HPS1: variants seen among roughly 807,000 people sequenced by gnomAD.
The protein encoded by HPS1 is HPS1 biogenesis of lysosomal organelles complex 3 subunit 1.
Under a neutral mutation model 90.6 loss-of-function variants are expected in HPS1, and 59 were observed. The ratio of observed to expected loss-of-function variants is 0.65; its 90% CI spans 0.53 to 0.81. The LOEUF (loss-of-function observed/expected upper bound fraction) is 0.81. Ranked by LOEUF, HPS1 falls within the 30% of genes least tolerant of loss-of-function variation. The pLI, the probability that HPS1 is intolerant of heterozygous loss-of-function variation, is 0.00. For missense variants in HPS1, 849 were observed against 896.7 expected (o/e 0.95, Z 0.68); for synonymous variants, 388 against 384.4 (o/e 1.01, Z -0.11).
chr10:98,420,256 C>T (rs1423307301), intron 17 of HPS1, 98 bp from the exon 18 acceptor site: 11 of 861,810 alleles, frequency 1.3e-5, no homozygotes, highest in South Asian at 9.4e-5. Context: ...CGAGAAGCTC[C>T]GTGAGTGCCA....
At chr10:98,426,615 A>G (rs1845634651) in intron 11 of HPS1, among the ~76,000 whole-genome samples, 2 of 152,258 alleles carry the variant, frequency 1.3e-5, no homozygotes, top group South Asian at 2.1e-4. Context: ...TATGCATGTG[A>G]TGGACTACCA....
intron 18 of HPS1, among the ~76,000 whole-genome samples, chr10:98,419,611 T>C (rs1403758060): frequency 1.3e-5 from 2 of 152,172 alleles, no homozygotes; most frequent in Non-Finnish European, 2.9e-5. Context: ...ACCACCAGTG[T>C]CTCCTCAGGC....
intron 5 of HPS1, among the ~76,000 whole-genome samples, chr10:98,434,638 C>G (rs1847032862): frequency 6.6e-6 from 1 of 151,884 alleles, no homozygotes; most frequent in South Asian, 2.1e-4. Context: ...AAACTAAAGT[C>G]CCAGAGCTTC....
chr10:98,415,463 G>A (rs559230653), downstream of HPS1, among the ~76,000 whole-genome samples: 1 of 152,364 alleles, frequency 6.6e-6, no homozygotes, highest in South Asian at 2.1e-4. Context: ...TTTTACAGAT[G>A]AGGGCGCTGA....
chr10:98,419,473 G>A (rs963393863), intron 18 of HPS1, among the ~76,000 whole-genome samples: 14 of 152,004 alleles, frequency 9.2e-5, no homozygotes, highest in African/African-American at 3.4e-4. Flanking sequence ...CTGGGGCAGG[G>A]ATCCCTGACC....
At chr10:98,433,242 A>G (rs1354986021) in intron 6 of HPS1, among the ~76,000 whole-genome samples, 2 of 151,626 alleles carry the variant, frequency 1.3e-5, no homozygotes, top group African/African-American at 2.4e-5. Flanking sequence ...AAAAAAAAAA[A>G]AAAAAAAGAA....
intron 18 of HPS1, among the ~76,000 whole-genome samples, chr10:98,419,231 G>A (rs1844524348): frequency 6.6e-6 from 1 of 152,184 alleles, no homozygotes; most frequent in Non-Finnish European, 1.5e-5. Context: ...TGGGGGCAGG[G>A]GAAGGCACAG....
In HPS1 at chr10:98,424,330, C is replaced by T; in HGVS notation, c.1380G>A (p.Glu460=). The part of the protein sequence containing the change: ...EFKAKAFSKS[E]PGSSWELLQA... ...CCACTCACTCCCAGGAGGATCCGGG[C>T]TCACTTTTGGAGAAAGCCTTGGCCT... Residue 460 remains glutamate, a synonymous_variant, in exon 14 of 20, where the codon GAG becomes GAA. Transcript: ENST00000361490. 3 of 1,612,916 alleles carry T rather than the reference C, an allele frequency of 1.9e-6. No individual in the cohort carries two copies. Among genetic ancestry groups the T allele is most frequent in the South Asian group, 2.2e-5 (2 of 90,628 alleles).
At chr10:98,424,463 G>A (rs1180655523) in intron 13 of HPS1, 89 bp from the exon 14 acceptor site, 31 of 1,120,618 alleles carry the variant, frequency 2.8e-5, no homozygotes, top group Non-Finnish European at 4.0e-5. Context: ...GGCTCTGAGA[G>A]GGCACAGGGC....
intron 2 of HPS1, 121 bp from the exon 3 acceptor site, chr10:98,443,361 C>T: frequency 1.3e-6 from 1 of 796,566 alleles, no homozygotes; most frequent in Non-Finnish European, 2.3e-6. Flanking sequence ...GCACACCAGG[C>T]ATCACAAGGG....
chr10:98,442,134 ACTC>A (rs1564872873), intron 3 of HPS1, among the ~76,000 whole-genome samples: 1 of 152,242 alleles, frequency 6.6e-6, no homozygotes, highest in Non-Finnish European at 1.5e-5. Flanking sequence ...ATAGATTACT[ACTC>A]AATGACAAGG....
At chr10:98,421,670 T>C (rs1453605227) in intron 17 of HPS1, among the ~76,000 whole-genome samples, 1 of 152,208 alleles carries the variant, frequency 6.6e-6, no homozygotes, top group Non-Finnish European at 1.5e-5. Context: ...GTGATGATGA[T>C]GCCACCAGTA....
chr10:98,426,977 G>T (rs1444454470), intron 11 of HPS1, among the ~76,000 whole-genome samples: 1 of 152,014 alleles, frequency 6.6e-6, no homozygotes, highest in Non-Finnish European at 1.5e-5. Flanking sequence ...GGAGCTGAGG[G>T]ACAGCACCTG....
At chr10:98,415,683 C>T (rs182223413), downstream of HPS1, among the ~76,000 whole-genome samples, 7 of 152,356 alleles carry the variant, frequency 4.6e-5, no homozygotes, top group East Asian at 1.9e-4. Flanking sequence ...GGCCATCTAG[C>T]GTCACCACGA....
intron 8 of HPS1, 107 bp from the exon 9 acceptor site, chr10:98,429,996 C>CA (rs1482623720): frequency 1.0e-6 from 1 of 973,940 alleles, no homozygotes. Context: ...TCCACCCCTC[C>CA]ACCCGTTCCG....
At chr10:98,428,271 C>T (rs769775791) in intron 10 of HPS1, among the ~76,000 whole-genome samples, 18 of 152,224 alleles carry the variant, frequency 1.2e-4, no homozygotes, top group Non-Finnish European at 2.5e-4. Context: ...CTTGGCTACA[C>T]ACGAAAATCA....
At chr10:98,418,500 C>G (rs1199901572) in intron 18 of HPS1, among the ~76,000 whole-genome samples, 1 of 152,218 alleles carries the variant, frequency 6.6e-6, no homozygotes, top group African/African-American at 2.4e-5. Context: ...ATACCTGGAC[C>G]TGTACAGGCC....
chr10:98,427,229 T>TG lies in HPS1; in HGVS notation c.972dup (p.Met325HisfsTer128), dbSNP rs281865082. On this transcript the variant is annotated frameshift_variant, in exon 11 of 20. Coordinates refer to ENST00000361490, the MANE Select transcript of HPS1 (RefSeq NM_000195.5). LOFTEE classifies it high-confidence loss of function. ...GAGAAACTCACCTGAAGGGCATCCA[T>TG]GGGGGGGGTGCCCCCCTCCAGCCAG... 3.3e-4 allele frequency: 505 copies of TG among 1,534,114 alleles called. No homozygotes were observed. Among genetic ancestry groups the TG allele is most frequent in the Middle Eastern group, 3.4e-4 (2 of 5,936 alleles).
chr10:98,418,686 T>G (rs553976070), intron 18 of HPS1, among the ~76,000 whole-genome samples: 1 of 152,238 alleles, frequency 6.6e-6, no homozygotes, highest in Non-Finnish European at 1.5e-5. Context: ...GGCATGAACA[T>G]GGCACTTAGC....
Sources: gnomAD v4.1 joint callset for allele counts (sites outside exome capture counted in the v4.1 genomes callset) on GRCh38, gnomAD v4.1.1 for gene constraint, MANE v1.5 for transcripts, NCBI Gene and HGNC (gene_info 2026-07-23, HGNC 2026-07-21) for gene names.